GRIK4: variants seen among roughly 807,000 people sequenced by gnomAD.
GRIK4 encodes glutamate receptor ionotropic, kainate 4.
GRIK4 carries 40 observed loss-of-function variants against 104.9 expected under a neutral mutation model. The ratio of observed to expected loss-of-function variants is 0.38; its 90% CI spans 0.30 to 0.50. The LOEUF is 0.50. GRIK4 is among the 20% of genes least tolerant of loss of function. The pLI is 0.93. For synonymous variants in GRIK4, 485 were observed against 524.9 expected (o/e 0.92, Z 1.04); for missense variants, 1,047 against 1,308.1 (o/e 0.80, Z 3.08).
At chr11:120,880,713 G>T (rs987726749) in intron 11 of GRIK4, among the ~76,000 whole-genome samples, 1 of 152,196 alleles carries the variant, frequency 6.6e-6, no homozygotes, top group Admixed American at 6.5e-5. Flanking sequence ...CCTCTCAAGG[G>T]ACACATTCCA....
chr11:120,977,391 G>A (rs1337240414), intron 19 of GRIK4, among the ~76,000 whole-genome samples: 1 of 152,196 alleles, frequency 6.6e-6, no homozygotes, highest in Non-Finnish European at 1.5e-5. Context: ...TAGGCTGGAG[G>A]GAGTCCACAT....
intron 1 of GRIK4, among the ~76,000 whole-genome samples, chr11:120,609,261 C>T (rs1949001762): frequency 6.6e-6 from 1 of 151,760 alleles, no homozygotes; most frequent in South Asian, 2.1e-4. Flanking sequence ...CAGTTCTGGG[C>T]TTGCATCTGT....
chr11:120,862,458 C>A (rs1954287885), intron 9 of GRIK4, among the ~76,000 whole-genome samples: 1 of 152,176 alleles, frequency 6.6e-6, no homozygotes, highest in Non-Finnish European at 1.5e-5. Flanking sequence ...TTAAGCTGAT[C>A]TGCTCCCTCA....
chr11:120,646,948 C>G (rs894745173), intron 1 of GRIK4, among the ~76,000 whole-genome samples: 2 of 152,192 alleles, frequency 1.3e-5, no homozygotes, highest in African/African-American at 2.4e-5. Flanking sequence ...GAAAGTAAGG[C>G]ACAGAGAGAT....
intron 6 of GRIK4, among the ~76,000 whole-genome samples, chr11:120,828,615 C>T (rs1953335106): frequency 6.6e-6 from 1 of 152,202 alleles, no homozygotes; most frequent in Non-Finnish European, 1.5e-5. Flanking sequence ...GGGGTTGGCA[C>T]TCATGTCCCC....
chr11:120,614,849 A>G (rs1565574590), intron 1 of GRIK4, among the ~76,000 whole-genome samples: 2 of 152,032 alleles, frequency 1.3e-5, no homozygotes, highest in Non-Finnish European at 2.9e-5. Context: ...AATACAAAAA[A>G]TTATCCGGGT....
At chr11:120,653,964 G>A (rs1481395208) in intron 2 of GRIK4, among the ~76,000 whole-genome samples, 172 bp downstream of exon 2, 1 of 152,194 alleles carries the variant, frequency 6.6e-6, no homozygotes. Flanking sequence ...TACCTGTTGG[G>A]TGTCGAGAAC....
intron 9 of GRIK4, among the ~76,000 whole-genome samples, chr11:120,866,665 C>T (rs1009410580): frequency 6.6e-6 from 1 of 152,130 alleles, no homozygotes; most frequent in South Asian, 2.1e-4. Flanking sequence ...GGCTGAGCTG[C>T]ACCGGCTCAA....
chr11:120,689,561 A>G (rs1351742156), intron 3 of GRIK4, among the ~76,000 whole-genome samples: 3 of 148,374 alleles, frequency 2.0e-5, no homozygotes, highest in African/African-American at 7.5e-5. Context: ...GACAACCAGC[A>G]CTTTCTTTGT....
intron 3 of GRIK4, among the ~76,000 whole-genome samples, chr11:120,740,745 G>A (rs1158114036): frequency 1.3e-5 from 2 of 152,188 alleles, no homozygotes; most frequent in Non-Finnish European, 2.9e-5. Flanking sequence ...TTGCCCATCA[G>A]TCAATCCACC....
At chr11:120,608,799 C>T (rs542698727) in intron 1 of GRIK4, among the ~76,000 whole-genome samples, 3 of 152,186 alleles carry the variant, frequency 2.0e-5, no homozygotes, top group East Asian at 1.9e-4. Context: ...CTTCTGGAAG[C>T]GCCTGTGTCT....
chr11:120,589,020 G>T (rs1948704015), intron 1 of GRIK4, among the ~76,000 whole-genome samples: 1 of 152,208 alleles, frequency 6.6e-6, no homozygotes, highest in South Asian at 2.1e-4. Context: ...AGCAGATGGT[G>T]CAGAGAGGCT....
At chr11:120,660,502 G>A (rs1255166117) in intron 3 of GRIK4, 102 bp downstream of exon 3, 20 of 826,982 alleles carry the variant, frequency 2.4e-5, no homozygotes, top group Admixed American at 4.3e-5. Context: ...TGCCCAGCCC[G>A]TGCACTGTGC....
At chr11:120,700,983 T>C (rs1256656768) in intron 3 of GRIK4, among the ~76,000 whole-genome samples, 1 of 152,234 alleles carries the variant, frequency 6.6e-6, no homozygotes, top group Non-Finnish European at 1.5e-5. Context: ...CCTCCAGTAT[T>C]CAGTACAGTT....
chr11:120,722,441 T>C (rs1156394585), intron 3 of GRIK4, among the ~76,000 whole-genome samples: 2 of 151,996 alleles, frequency 1.3e-5, no homozygotes, highest in African/African-American at 2.4e-5. Context: ...AAACCCCGTC[T>C]CTACTAAAAA....
chr11:120,593,548 C>T (rs1007397559), intron 1 of GRIK4, among the ~76,000 whole-genome samples: 35 of 152,074 alleles, frequency 2.3e-4, no homozygotes, highest in Non-Finnish European at 7.4e-5. Context: ...TGTTGACTCC[C>T]CCTTTACTCC....
At chr11:120,742,068 G>A (rs115676507) in intron 3 of GRIK4, among the ~76,000 whole-genome samples, 4,381 of 152,084 alleles carry the variant, frequency 0.029, 199 homozygotes, top group African/African-American at 0.098. Flanking sequence ...CCCATAGTCC[G>A]GGCATGGTGG....
In GRIK4 at chr11:120,876,904, G is replaced by A. The variant is rs572138605; in HGVS notation, c.1164+1661G>A. Among the ~76,000 whole-genome samples, 5 of 152,330 alleles carry A rather than the reference G, an allele frequency of 3.3e-5. No individual in the cohort carries two copies. The East Asian group carries it at 7.7e-4, about 23-fold the overall frequency. On this transcript the variant is annotated intron_variant, in intron 11 of 20. Transcript: ENST00000527524. ...CAAGGTGATTCTAATGAAGCCCTAC[G>A]GCCGTGGAGGCCCTGTCATGTCTGC...
At chr11:120,775,368 C>T (rs1379817244) in intron 3 of GRIK4, among the ~76,000 whole-genome samples, 2 of 152,192 alleles carry the variant, frequency 1.3e-5, no homozygotes, top group East Asian at 1.9e-4. Context: ...CTGGGTTGGG[C>T]AGCAAGAGGA....
Sources: allele counts gnomAD v4.1 joint callset (sites outside exome capture counted in the v4.1 genomes callset), GRCh38; gene constraint gnomAD v4.1.1; transcripts MANE v1.5; gene names NCBI Gene and HGNC (gene_info 2026-07-23, HGNC 2026-07-21).